ANKH: variants seen among roughly 807,000 people sequenced by gnomAD.
ANKH encodes ANKH inorganic pyrophosphate transport regulator, also known as mineralization regulator ANKH.
A neutral mutation model predicts 49.0 loss-of-function variants in ANKH; 15 were observed. The ratio of observed to expected loss-of-function variants is 0.31; its 90% CI spans 0.20 to 0.47. The LOEUF (loss-of-function observed/expected upper bound fraction) is 0.47, where lower values mean the gene tolerates loss of function less well. ANKH is among the 20% of genes least tolerant of loss of function. ANKH has a pLI of 1.00. For synonymous variants in ANKH, 273 were observed against 260.0 expected (o/e 1.05, Z -0.48); for missense variants, 429 against 652.0 (o/e 0.66, Z 3.72).
chr5:14,741,676 C>T (rs1580022197), intron 8 of ANKH, 151 bp downstream of exon 8: 5 of 664,876 alleles, frequency 7.5e-6, no homozygotes, highest in African/African-American at 7.2e-5. Flanking sequence ...CAATCGTTCA[C>T]ATTTGAAGAA....
chr5:14,728,417 A>C (rs968215898), intron 8 of ANKH, among the ~76,000 whole-genome samples: 2 of 152,218 alleles, frequency 1.3e-5, no homozygotes, highest in African/African-American at 4.8e-5. Flanking sequence ...CCAAATGAGA[A>C]AGTGTTGAAT....
At chr5:14,753,880 T>C (rs984045645) in intron 4 of ANKH, among the ~76,000 whole-genome samples, 4 of 152,240 alleles carry the variant, frequency 2.6e-5, no homozygotes, top group African/African-American at 7.2e-5. Flanking sequence ...CATTTTATCA[T>C]TGGTGATTGG....
chr5:14,837,427 G>GA (rs1242384708), intron 1 of ANKH, among the ~76,000 whole-genome samples: 1 of 152,026 alleles, frequency 6.6e-6, no homozygotes, highest in East Asian at 1.9e-4. Flanking sequence ...AAATTTACAA[G>GA]AAAAAATCAA....
At chr5:14,721,409 C>T (rs927798155) in intron 8 of ANKH, among the ~76,000 whole-genome samples, 1 of 152,118 alleles carries the variant, frequency 6.6e-6, no homozygotes, top group African/African-American at 2.4e-5. Context: ...GAACTGGAAG[C>T]GGTTAGTCTG....
intron 8 of ANKH, among the ~76,000 whole-genome samples, chr5:14,722,534 A>G (rs370397560): frequency 6.6e-6 from 1 of 152,222 alleles, no homozygotes; most frequent in African/African-American, 2.4e-5. Context: ...CCCCAAAATA[A>G]AAGAATGGGA....
chr5:14,831,993 A>G (rs922540054), intron 1 of ANKH, among the ~76,000 whole-genome samples: 1 of 152,228 alleles, frequency 6.6e-6, no homozygotes, highest in Non-Finnish European at 1.5e-5. Flanking sequence ...GTTCTGGCCC[A>G]GCAAAATATT....
chr5:14,844,672 T>A (rs2126613500), intron 1 of ANKH, among the ~76,000 whole-genome samples: 1 of 152,380 alleles, frequency 6.6e-6, no homozygotes, highest in South Asian at 2.1e-4. Flanking sequence ...GACGAGCCCC[T>A]TTCACTGTCT....
intron 8 of ANKH, among the ~76,000 whole-genome samples, chr5:14,720,974 C>A (rs562170447): frequency 6.6e-6 from 1 of 152,238 alleles, no homozygotes; most frequent in East Asian, 1.9e-4. Flanking sequence ...GATCCACAAT[C>A]GGGTCATGTT....
intron 2 of ANKH, among the ~76,000 whole-genome samples, chr5:14,762,935 T>G (rs1245753213): frequency 2.0e-5 from 3 of 152,186 alleles, no homozygotes; most frequent in African/African-American, 7.2e-5. Context: ...GTAAACAAAT[T>G]TTATGATATT....
intron 1 of ANKH, among the ~76,000 whole-genome samples, chr5:14,817,721 C>T (rs1741079914): frequency 6.6e-6 from 1 of 152,178 alleles, no homozygotes; most frequent in Non-Finnish European, 1.5e-5. Flanking sequence ...GGCTACATAA[C>T]CTACAGATAT....
At chr5:14,837,652 A>T (rs1561077775) in intron 1 of ANKH, among the ~76,000 whole-genome samples, 1 of 152,256 alleles carries the variant, frequency 6.6e-6, no homozygotes, top group Non-Finnish European at 1.5e-5. Context: ...GTGGAGAAAC[A>T]GGAACACTTT....
In ANKH at chr5:14,779,455, G is replaced by A. The variant is rs143164857; in HGVS notation, c.97-10264C>T. ...GATCCGAGACTCTGTTATCGCCCTC[G>A]TCAAGGTGTACAGCAGTTACCTGCT... is the stretch of plus-strand genomic sequence containing the variant. On this transcript the variant is annotated intron_variant, in intron 1 of 11. Transcript: ENST00000284268. 2.5e-3 allele frequency among the ~76,000 whole-genome samples: 382 copies of A among 152,152 alleles called. 3 individuals carry two copies. Among genetic ancestry groups the A allele is most frequent in the African/African-American group, 8.5e-3 (354 of 41,506 alleles).
chr5:14,817,760 C>A (rs1262122382), intron 1 of ANKH, among the ~76,000 whole-genome samples: 1 of 152,156 alleles, frequency 6.6e-6, no homozygotes, highest in African/African-American at 2.4e-5. Context: ...GGTGTGTCAA[C>A]CCCCTCTTTC....
At chr5:14,823,224 A>G (rs1741245912) in intron 1 of ANKH, among the ~76,000 whole-genome samples, 1 of 152,240 alleles carries the variant, frequency 6.6e-6, no homozygotes. Context: ...GAGTAGTCAG[A>G]AAGCCTAATA....
At chr5:14,755,707 T>A (rs1738862932) in intron 4 of ANKH, among the ~76,000 whole-genome samples, 154 bp downstream of exon 4, 1 of 152,206 alleles carries the variant, frequency 6.6e-6, no homozygotes, top group Non-Finnish European at 1.5e-5. Context: ...ATTTAGCAAA[T>A]ATTTATTGAG....
rs55963905 is a variant in ANKH, at chr5:14,744,751, C to T, written c.915+1119G>A. On this transcript the variant is annotated intron_variant, in intron 7 of 11. Transcript: ENST00000284268. The stretch of plus-strand genomic sequence containing the variant: ...TAAGGTGTGGTGGGGGAGAGGGGGT[C>T]CCCAGGTCCCTGCTCCGCAGGCCTC... Among the ~76,000 whole-genome samples, 795 of 152,314 alleles carry T rather than the reference C, an allele frequency of 5.2e-3. 4 individuals carry two copies. Among genetic ancestry groups the T allele is most frequent in the Non-Finnish European group, 9.1e-3 (620 of 68,026 alleles).
intron 1 of ANKH, among the ~76,000 whole-genome samples, chr5:14,854,859 T>C (rs1186923976): frequency 3.3e-5 from 5 of 152,178 alleles, no homozygotes; most frequent in Non-Finnish European, 7.3e-5. Flanking sequence ...GTTGCCAGAA[T>C]AGCCTCTTAA....
chr5:14,822,032 G>T (rs577145594), intron 1 of ANKH, among the ~76,000 whole-genome samples: 1 of 152,266 alleles, frequency 6.6e-6, no homozygotes, highest in Admixed American at 6.5e-5. Flanking sequence ...TTCTGCAAAG[G>T]AACAGACATT....
intron 2 of ANKH, among the ~76,000 whole-genome samples, chr5:14,767,503 T>C (rs958903668): frequency 6.6e-6 from 1 of 152,210 alleles, no homozygotes; most frequent in East Asian, 1.9e-4. Context: ...TTTAAAATTT[T>C]ATAATTCTAT....
Sources: allele counts gnomAD v4.1 joint callset (sites outside exome capture counted in the v4.1 genomes callset), GRCh38; gene constraint gnomAD v4.1.1; transcripts MANE v1.5; gene names NCBI Gene and HGNC (gene_info 2026-07-23, HGNC 2026-07-21).